The following SLC26A7 variants were observed in gnomAD, a reference collection of about 807,000 sequenced individuals.
The protein encoded by SLC26A7 is anion exchange transporter.
A neutral mutation model predicts 82.5 loss-of-function variants in SLC26A7; 59 were observed. The observed-to-expected ratio is 0.72, with a 90% CI of 0.58 to 0.89. SLC26A7 has a LOEUF of 0.89. Among genes scored for constraint, SLC26A7 ranks in the 40% least tolerant of loss-of-function variants. The pLI is 0.00. For synonymous variants in SLC26A7, 271 were observed against 274.3 expected (o/e 0.99, Z 0.12); for missense variants, 820 against 793.0 (o/e 1.03, Z -0.41).
intron 1 of SLC26A7, among the ~76,000 whole-genome samples, chr8:91,214,531 A>G (rs375677258): frequency 2.6e-5 from 4 of 152,180 alleles, no homozygotes; most frequent in East Asian, 1.9e-4. Context: ...ACACTAAGCT[A>G]TAATTTAGTG....
At chr8:91,314,805 G>A (rs1451300929) in intron 4 of SLC26A7, among the ~76,000 whole-genome samples, 2 of 152,112 alleles carry the variant, frequency 1.3e-5, no homozygotes, top group African/African-American at 4.8e-5. Flanking sequence ...AATATTTTGA[G>A]TCTTTAGACA....
intron 15 of SLC26A7, among the ~76,000 whole-genome samples, chr8:91,381,720 T>TGA (rs1350194306): frequency 6.6e-6 from 1 of 152,044 alleles, no homozygotes; most frequent in Admixed American, 6.6e-5. Context: ...ATCCTTCTTC[T>TGA]CTCCCCTCCA....
intron 2 of SLC26A7, among the ~76,000 whole-genome samples, chr8:91,256,815 T>C (rs1451265607): frequency 6.6e-6 from 1 of 152,130 alleles, no homozygotes; most frequent in Non-Finnish European, 1.5e-5. Flanking sequence ...CCCAGAAAGA[T>C]TGATATTATT....
intron 1 of SLC26A7, 42 bp from the exon 2 acceptor site, chr8:91,249,497 C>A (rs1437147329): frequency 1.0e-5 from 3 of 299,192 alleles, no homozygotes; most frequent in East Asian, 6.0e-5. Flanking sequence ...TTCTGTTAAT[C>A]TCTCTCTCTC....
intron 15 of SLC26A7, among the ~76,000 whole-genome samples, chr8:91,384,761 T>TGGGAGGAAGGAA (rs1814753987): frequency 7.1e-6 from 1 of 140,156 alleles, no homozygotes; most frequent in South Asian, 2.1e-4. Context: ...AGCTGACTGC[T>TGGGAGGAAGGAA]GGGAGGAAGG....
rs114740609 is a variant in SLC26A7, at chr8:91,385,017, T to G, written c.1676-4321T>G. 2.7e-3 allele frequency among the ~76,000 whole-genome samples: 412 copies of G among 152,308 alleles called. 2 individuals carry two copies. The highest frequency in any genetic ancestry group is 9.5e-3 in the African/African-American group (395 of 41,574). On this transcript the variant is annotated intron_variant, in intron 15 of 18. Transcript: ENST00000276609. ...GAAGTATATAAAAAGCACTCTTAAA[T>G]TATGCAACTATGAATATTTTTTAAT...
intron 5 of SLC26A7, among the ~76,000 whole-genome samples, chr8:91,325,609 G>C (rs1187867950): frequency 6.6e-6 from 1 of 152,134 alleles, no homozygotes; most frequent in African/African-American, 2.4e-5. Flanking sequence ...GGTGAGAAGA[G>C]CTCGTATGCC....
intron 4 of SLC26A7, among the ~76,000 whole-genome samples, chr8:91,315,556 A>T (rs1308083299): frequency 6.6e-6 from 1 of 152,138 alleles, no homozygotes; most frequent in African/African-American, 2.4e-5. Flanking sequence ...AGTCGCTAAA[A>T]AAATGTTAGT....
chr8:91,227,997 G>A (rs1810259587), intron 2 of SLC26A7, among the ~76,000 whole-genome samples: 2 of 152,198 alleles, frequency 1.3e-5, no homozygotes, highest in Non-Finnish European at 2.9e-5. Context: ...AGCTTAAGAT[G>A]CAAATTTACT....
chr8:91,221,513 A>C (rs933476532), intron 2 of SLC26A7, among the ~76,000 whole-genome samples: 6 of 152,022 alleles, frequency 3.9e-5, no homozygotes, highest in African/African-American at 1.4e-4. Context: ...TAAGTCTTAC[A>C]TTAAGTCTTT....
Position 91,289,199 on chromosome 8 carries a change from C to T in SLC26A7, c.257C>T (p.Pro86Leu), listed in dbSNP as rs374551631. 8 of 1,613,990 alleles carry T rather than the reference C, an allele frequency of 5.0e-6. No individual in the cohort carries two copies. The African/African-American group carries it at 9.3e-5, about 19-fold the overall frequency. ...TTTGGTTTATATGGGTCTCTGTTTCCTGCCATAATTTATGCCATATTTGGA... is the reference window on the plus strand; with the variant it reads ...TTTGGTTTATATGGGTCTCTGTTTCTTGCCATAATTTATGCCATATTTGGA... The part of the protein sequence containing the change: ...PVFGLYGSLF[P>L]AIIYAIFGMG... The change falls in exon 3 of 19, where the codon CCT (proline) becomes CTT (leucine). Residue 86 changes from proline (P) to leucine (L), a missense_variant. Transcript: ENST00000276609.
chr8:91,312,587 A>C (rs1159476402), intron 4 of SLC26A7, among the ~76,000 whole-genome samples: 1 of 151,890 alleles, frequency 6.6e-6, no homozygotes, highest in African/African-American at 2.4e-5. Flanking sequence ...CAAGTGTTGC[A>C]ATTCCTACAT....
intron 2 of SLC26A7, among the ~76,000 whole-genome samples, chr8:91,253,262 G>A (rs1810708614): frequency 6.6e-6 from 1 of 152,064 alleles, no homozygotes; most frequent in African/African-American, 2.4e-5. Context: ...TTTTATACTA[G>A]ACTTCTTCTC....
Position 91,346,695 on chromosome 8 carries a change from A to T in SLC26A7, c.1140+3229A>T, listed in dbSNP as rs540136706. Among the ~76,000 whole-genome samples the T allele has an allele frequency of 4.6e-5, 7 of 152,296 alleles. No individual in the cohort carries two copies. The East Asian group carries it at 1.4e-3, about 29-fold the overall frequency. ...AAATGTGGTCATGTTATTTTTGCTTAAAGTCCTTAAAAGGCTTTGCGTGGG... is the reference window on the plus strand; with the variant it reads ...AAATGTGGTCATGTTATTTTTGCTTTAAGTCCTTAAAAGGCTTTGCGTGGG... On this transcript the variant is annotated intron_variant, in intron 9 of 18. Coordinates refer to ENST00000276609, the MANE Select transcript of SLC26A7 (RefSeq NM_052832.4).
intron 5 of SLC26A7, among the ~76,000 whole-genome samples, chr8:91,332,076 A>G (rs1453728848): frequency 6.7e-6 from 1 of 150,228 alleles, no homozygotes; most frequent in Non-Finnish European, 1.5e-5. Context: ...AACATGATAT[A>G]TTGGATAATC....
intron 15 of SLC26A7, among the ~76,000 whole-genome samples, chr8:91,382,484 G>A (rs1372994168): frequency 6.6e-6 from 1 of 151,934 alleles, no homozygotes; most frequent in Non-Finnish European, 1.5e-5. Flanking sequence ...CTTTTTCTGA[G>A]GTTTAATAGA....
chr8:91,354,736 A>G lies in SLC26A7; in HGVS notation c.1314+1740A>G, dbSNP rs75929352. On this transcript the variant is annotated intron_variant, in intron 11 of 18. Coordinates refer to ENST00000276609, the MANE Select transcript of SLC26A7 (RefSeq NM_052832.4). ...GAATCAGATGAAAAATATTAAAGAT[A>G]TTGTATTTGTTAGTCCTCACCACCA... Among the ~76,000 whole-genome samples, 108 of 152,126 alleles carry G rather than the reference A, an allele frequency of 7.1e-4. No individual in the cohort carries two copies. The East Asian group carries it at 0.02, about 28-fold the overall frequency.
At chr8:91,221,676 G>A (rs1810162501) in intron 2 of SLC26A7, among the ~76,000 whole-genome samples, 1 of 152,044 alleles carries the variant, frequency 6.6e-6, no homozygotes, top group Non-Finnish European at 1.5e-5. Context: ...AGATCAGATG[G>A]TTGTAGATGT....
chr8:91,343,367 T>C lies in SLC26A7; in HGVS notation c.1041T>C (p.His347=), dbSNP rs1563689689. 6.2e-7 allele frequency: 1 copy of C among 1,608,874 alleles called. No individual in the cohort carries two copies. Among genetic ancestry groups the C allele is most frequent in the Admixed American group, 1.7e-5 (1 of 59,528 alleles). ...SIDDNQEFLA[H]GLSNIVSSFF... ...GAATCTTGCAGGAATTTTTGGCCCA[T>C]GGCCTCAGCAATATAGTTTCTTCAT... Residue 347 remains histidine (H), a synonymous_variant, in exon 9 of 19, where the codon CAT becomes CAC. Transcript: ENST00000276609.
Sources: allele counts gnomAD v4.1 joint callset (sites outside exome capture counted in the v4.1 genomes callset), GRCh38; gene constraint gnomAD v4.1.1; transcripts MANE v1.5; gene names NCBI Gene and HGNC (gene_info 2026-07-23, HGNC 2026-07-21).